The following KYNU variants were observed in gnomAD, a reference collection of about 807,000 sequenced individuals.
KYNU encodes L-kynurenine hydrolase.
KYNU carries 54 observed loss-of-function variants against 59.2 expected under a neutral mutation model. That is an observed-to-expected ratio of 0.91 (90% CI 0.73 to 1.14). KYNU has a LOEUF of 1.14. KYNU is among the 50% of genes most tolerant of loss of function. KYNU has a pLI of 0.00. For synonymous variants in KYNU, 177 were observed against 192.0 expected (o/e 0.92, Z 0.65); for missense variants, 567 against 554.4 (o/e 1.02, Z -0.23).
At chr2:142,877,760 A>ACTC (rs1213568495) in intron 1 of KYNU, 24 bp downstream of exon 1, 1 of 151,450 alleles carries the variant, frequency 6.6e-6, no homozygotes, top group Non-Finnish European at 1.5e-5. Context: ...GCTGATAAAA[A>ACTC]CTCTCTACCC....
chr2:142,965,663 A>G (rs1684503142), intron 8 of KYNU, among the ~76,000 whole-genome samples: 1 of 152,142 alleles, frequency 6.6e-6, no homozygotes, highest in Non-Finnish European at 1.5e-5. Flanking sequence ...AATCTTTCCC[A>G]GAAAAAAACC....
intron 10 of KYNU, among the ~76,000 whole-genome samples, chr2:143,025,819 A>G (rs1379384392): frequency 2.6e-5 from 4 of 152,228 alleles, no homozygotes; most frequent in Non-Finnish European, 5.9e-5. Flanking sequence ...GAGAGAATAT[A>G]TATTAGAAAT....
intron 2 of KYNU, among the ~76,000 whole-genome samples, chr2:142,886,312 C>G (rs935069122): frequency 6.6e-6 from 1 of 152,102 alleles, no homozygotes; most frequent in Non-Finnish European, 1.5e-5. Flanking sequence ...AATTTTGGGT[C>G]CAGTACTCAG....
At chr2:142,920,263 T>C (rs1261473099) in intron 3 of KYNU, among the ~76,000 whole-genome samples, 1 of 152,218 alleles carries the variant, frequency 6.6e-6, no homozygotes, top group African/African-American at 2.4e-5. Context: ...GCAAAATACA[T>C]ACCACCACAT....
chr2:142,915,258 G>A (rs1316942367), intron 2 of KYNU, among the ~76,000 whole-genome samples: 23 of 152,148 alleles, frequency 1.5e-4, no homozygotes, highest in Non-Finnish European at 1.5e-5. Flanking sequence ...CAGTGGGAAG[G>A]AGATTTTCAT....
intron 8 of KYNU, among the ~76,000 whole-genome samples, chr2:142,973,511 C>T (rs144650155): frequency 1.3e-5 from 2 of 152,110 alleles, no homozygotes; most frequent in African/African-American, 4.8e-5. Flanking sequence ...GGCAACAGCT[C>T]CCAGCAATGA....
At chr2:143,028,638 G>A (rs374700276) in intron 10 of KYNU, among the ~76,000 whole-genome samples, 1 of 150,660 alleles carries the variant, frequency 6.6e-6, no homozygotes, top group Non-Finnish European at 1.5e-5. Flanking sequence ...CTGAGGTCGG[G>A]AGTTCAAGAC....
chr2:142,906,368 G>A (rs1313813646), intron 2 of KYNU, among the ~76,000 whole-genome samples: 3 of 152,196 alleles, frequency 2.0e-5, no homozygotes, highest in Non-Finnish European at 4.4e-5. Flanking sequence ...GGGGGATGCT[G>A]GGTAGAAATT....
At chr2:142,976,393 A>T (rs1407962456) in intron 8 of KYNU, among the ~76,000 whole-genome samples, 1 of 152,164 alleles carries the variant, frequency 6.6e-6, no homozygotes, top group Non-Finnish European at 1.5e-5. Context: ...GTTCTCTAGC[A>T]TTAGCCCACC....
intron 10 of KYNU, among the ~76,000 whole-genome samples, chr2:143,028,459 G>A (rs1214476435): frequency 6.7e-6 from 1 of 149,246 alleles, no homozygotes; most frequent in African/African-American, 2.4e-5. Context: ...GGTCAGGCTG[G>A]TCTCAAACTC....
chr2:142,939,614 A>AAAAG (rs1683517436), intron 4 of KYNU, among the ~76,000 whole-genome samples: 1 of 150,708 alleles, frequency 6.6e-6, no homozygotes, highest in Non-Finnish European at 1.5e-5. Context: ...AAAAAAAAAA[A>AAAAG]AAAAAAAAGA....
intron 4 of KYNU, among the ~76,000 whole-genome samples, chr2:142,938,764 A>T (rs1683478660): frequency 6.6e-6 from 1 of 152,164 alleles, no homozygotes; most frequent in Non-Finnish European, 1.5e-5. Context: ...TTAAAAAAAG[A>T]AAAAAGAAAT....
At chr2:142,902,677 C>T (rs996193540) in intron 2 of KYNU, among the ~76,000 whole-genome samples, 4 of 152,176 alleles carry the variant, frequency 2.6e-5, no homozygotes, top group African/African-American at 7.2e-5. Flanking sequence ...CTTGTAGCCA[C>T]AAGTGGTGAG....
rs192654275 is a variant in KYNU, at chr2:143,022,782, T to G, written c.903-6845T>G. Among the ~76,000 whole-genome samples, 767 of 152,112 alleles carry G rather than the reference T, an allele frequency of 5.0e-3. 3 individuals carry two copies. The highest frequency in any genetic ancestry group is 0.01 in the Middle Eastern group (3 of 294). On this transcript the variant is annotated intron_variant, in intron 10 of 13. Coordinates refer to ENST00000264170, the MANE Select transcript of KYNU (RefSeq NM_003937.3). ...TATTCAATTAATCTAGATTTGTCAA[T>G]TTAAGCAATGTCTCTTTTATGATGT...
At chr2:142,986,663 A>G (rs1470148390) in intron 10 of KYNU, among the ~76,000 whole-genome samples, 3 of 151,868 alleles carry the variant, frequency 2.0e-5, no homozygotes, top group Non-Finnish European at 4.4e-5. Flanking sequence ...GGAATTCATA[A>G]GTGTTCCTTT....
intron 2 of KYNU, among the ~76,000 whole-genome samples, chr2:142,887,620 T>C (rs1447482598): frequency 1.3e-5 from 2 of 152,108 alleles, no homozygotes; most frequent in Non-Finnish European, 2.9e-5. Context: ...TTCACATGAA[T>C]GAACTATGAG....
At chr2:142,899,619 C>G (rs1682002985) in intron 2 of KYNU, among the ~76,000 whole-genome samples, 1 of 149,230 alleles carries the variant, frequency 6.7e-6, no homozygotes, top group South Asian at 2.1e-4. Flanking sequence ...GGAGGAGTGC[C>G]TTTGATGTCA....
At chr2:143,017,024 A>G (rs1395704042) in intron 10 of KYNU, among the ~76,000 whole-genome samples, 1 of 152,168 alleles carries the variant, frequency 6.6e-6, no homozygotes. Flanking sequence ...TTGCTGCATT[A>G]ATTTGCTTAG....
intron 1 of KYNU, among the ~76,000 whole-genome samples, chr2:142,879,936 AAGGGCTG>A (rs139389488): frequency 0.026 from 3,885 of 152,294 alleles, 166 homozygotes; most frequent in Admixed American, 0.11. Flanking sequence ...AATCAACTCA[AAGGGCTG>A]ACCTCCCAAA....
Sources: allele counts gnomAD v4.1 joint callset (sites outside exome capture counted in the v4.1 genomes callset), GRCh38; gene constraint gnomAD v4.1.1; transcripts MANE v1.5; gene names NCBI Gene and HGNC (gene_info 2026-07-23, HGNC 2026-07-21).